The following ARAP2 variants were observed in gnomAD, a reference collection of about 807,000 sequenced individuals.
ARAP2 encodes the protein ArfGAP with RhoGAP domain, ankyrin repeat and PH domain 2.
A neutral mutation model predicts 194.5 loss-of-function variants in ARAP2; 148 were observed. The ratio of observed to expected loss-of-function variants is 0.76; its 90% CI spans 0.67 to 0.87. The LOEUF (loss-of-function observed/expected upper bound fraction) is 0.87, where lower values mean the gene tolerates loss of function less well. Among genes scored for constraint, ARAP2 ranks in the 40% least tolerant of loss-of-function variants. The probability of loss-of-function intolerance (pLI) is 0.00; values close to 1 mark genes in which losing one functional copy is unlikely to be tolerated. For synonymous variants in ARAP2, 695 were observed against 683.5 expected, an observed-to-expected ratio of 1.02 and a Z score of -0.26; for missense variants, 2,128 against 1,989.7, an observed-to-expected ratio of 1.07 and a Z score of -1.32.
chr4:36,235,537 C>T lies in ARAP2; in HGVS notation c.-159-5892G>A, dbSNP rs539568383. Among the ~76,000 whole-genome samples, 9 of 152,336 alleles carry T rather than the reference C, an allele frequency of 5.9e-5. No individual in the cohort carries two copies. In the South Asian group the frequency reaches 1.7e-3, roughly 28 times the overall value. On this transcript the variant is annotated intron_variant, in intron 1 of 32. Transcript: ENST00000303965. Reference sequence around the variant, plus strand: ...TATACAAGCATGCCTTGTGACTCACCATCCCTTATCCTTGCTTTATCTGTC... The same window carrying T: ...TATACAAGCATGCCTTGTGACTCACTATCCCTTATCCTTGCTTTATCTGTC...
chr4:36,071,741 G>T, intron 32 of ARAP2, among the ~76,000 whole-genome samples: 1 of 138,240 alleles, frequency 7.2e-6, no homozygotes, highest in African/African-American at 2.7e-5. Flanking sequence ...GGGTACATGT[G>T]CACATTGTGC....
At chr4:36,180,236 C>T (rs1738913451) in intron 8 of ARAP2, among the ~76,000 whole-genome samples, 1 of 152,092 alleles carries the variant, frequency 6.6e-6, no homozygotes, top group African/African-American at 2.4e-5. Flanking sequence ...CATGCCACTG[C>T]ACTCCAGCCT....
intron 8 of ARAP2, among the ~76,000 whole-genome samples, chr4:36,184,219 A>C (rs988610757): frequency 2.0e-5 from 3 of 152,094 alleles, no homozygotes; most frequent in African/African-American, 7.2e-5. Context: ...AGTACACTTA[A>C]TAAAACATAT....
intron 1 of ARAP2, among the ~76,000 whole-genome samples, chr4:36,232,866 A>G (rs1211002096): frequency 6.6e-6 from 1 of 152,174 alleles, no homozygotes; most frequent in African/African-American, 2.4e-5. Flanking sequence ...AGCCTATTGT[A>G]TTAGTTTTTT....
At chr4:36,174,036 T>G (rs1177920521) in intron 9 of ARAP2, among the ~76,000 whole-genome samples, 1 of 152,180 alleles carries the variant, frequency 6.6e-6, no homozygotes, top group Non-Finnish European at 1.5e-5. Flanking sequence ...TTATTTGACA[T>G]TATGTGTTAC....
chr4:36,037,976 AT>A (rs1202812465), intron 5 of ARAP2, among the ~76,000 whole-genome samples: 1 of 152,216 alleles, frequency 6.6e-6, no homozygotes, highest in Admixed American at 6.5e-5. Context: ...ATTATCCAAT[AT>A]GACTGCATTC....
intron 19 of ARAP2, among the ~76,000 whole-genome samples, chr4:36,140,006 T>C (rs1349975816): frequency 1.3e-5 from 2 of 151,644 alleles, no homozygotes; most frequent in Non-Finnish European, 3.0e-5. Flanking sequence ...ATCCTATTTC[T>C]CTGAACCTAT....
intron 19 of ARAP2, among the ~76,000 whole-genome samples, chr4:36,140,261 T>TAG (rs1727984770): frequency 6.6e-6 from 1 of 151,572 alleles, no homozygotes; most frequent in Admixed American, 6.6e-5. Context: ...TCCTGGTACA[T>TAG]AGAGGTACTT....
intron 2 of ARAP2, among the ~76,000 whole-genome samples, chr4:36,056,156 T>C (rs1029548330): frequency 1.8e-4 from 28 of 152,216 alleles, no homozygotes; most frequent in Non-Finnish European, 3.1e-4. Flanking sequence ...TATAAAACTA[T>C]AATAATACAA....
intron 20 of ARAP2, among the ~76,000 whole-genome samples, chr4:36,130,022 C>CTCAA (rs1228365536): frequency 6.6e-6 from 1 of 151,822 alleles, no homozygotes; most frequent in Non-Finnish European, 1.5e-5. Context: ...GTATTTCTTT[C>CTCAA]TCAATCAGCA....
intron 5 of ARAP2, among the ~76,000 whole-genome samples, chr4:36,040,957 G>A (rs922114629): frequency 6.6e-6 from 1 of 151,978 alleles, no homozygotes; most frequent in Non-Finnish European, 1.5e-5. Flanking sequence ...TATGGTATTG[G>A]CCGTGGCCTG....
intron 19 of ARAP2, among the ~76,000 whole-genome samples, chr4:36,143,771 C>T (rs1166345676): frequency 6.6e-6 from 1 of 151,694 alleles, no homozygotes; most frequent in Non-Finnish European, 1.5e-5. Context: ...CACATTTCTC[C>T]CACTCCTATT....
intron 5 of ARAP2, 66 bp downstream of exon 5, chr4:36,212,330 T>C (rs1746936038): frequency 2.3e-6 from 3 of 1,313,204 alleles, no homozygotes; most frequent in Admixed American, 3.9e-5. Flanking sequence ...ATACTAAGAA[T>C]GAGAAGTCAA....
In ARAP2 at chr4:36,136,049, G is replaced by A. The variant is rs1353804653; in HGVS notation, c.3264-2660C>T. On this transcript the variant is annotated intron_variant, in intron 19 of 32. Transcript: ENST00000303965. ...GAACTTTCTCAACTTGTCAAAGGGC[G>A]AATCCTAAAATATATATGTAGTGCA... 4.6e-5 allele frequency among the ~76,000 whole-genome samples: 7 copies of A among 151,750 alleles called. No individual in the cohort carries two copies. The South Asian group carries it at 6.2e-4, about 13-fold the overall frequency.
At chr4:36,070,816 T>C (rs778730934) in intron 32 of ARAP2, among the ~76,000 whole-genome samples, 1 of 152,194 alleles carries the variant, frequency 6.6e-6, no homozygotes, top group Admixed American at 6.5e-5. Context: ...CACAACACTT[T>C]AAACGCTTTA....
intron 6 of ARAP2, among the ~76,000 whole-genome samples, chr4:36,203,272 T>C (rs927045724): frequency 7.9e-5 from 12 of 152,130 alleles, no homozygotes; most frequent in Admixed American, 7.2e-4. Flanking sequence ...AAGTCCACTT[T>C]CCCACATGAG....
At chr4:36,011,832 A>C (rs1422078771) in intron 9 of ARAP2, among the ~76,000 whole-genome samples, 1 of 152,100 alleles carries the variant, frequency 6.6e-6, no homozygotes, top group Non-Finnish European at 1.5e-5. Flanking sequence ...AACACAAGAG[A>C]GCTATATTGC....
At chr4:36,111,409 T>C (rs1312562148) in intron 26 of ARAP2, among the ~76,000 whole-genome samples, 2 of 151,948 alleles carry the variant, frequency 1.3e-5, no homozygotes, top group Non-Finnish European at 2.9e-5. Context: ...CTACCATTAT[T>C]CCTCTGGGAG....
intron 28 of ARAP2, among the ~76,000 whole-genome samples, chr4:36,090,529 A>G (rs1028126925): frequency 6.6e-6 from 1 of 152,140 alleles, no homozygotes; most frequent in Admixed American, 6.6e-5. Flanking sequence ...AATTGAATTC[A>G]CCAGCACACC....
Sources: allele counts gnomAD v4.1 joint callset (sites outside exome capture counted in the v4.1 genomes callset), GRCh38; gene constraint gnomAD v4.1.1; transcripts MANE v1.5; gene names NCBI Gene and HGNC (gene_info 2026-07-23, HGNC 2026-07-21).